ST6GAL2: variants seen among roughly 807,000 people sequenced by gnomAD.
ST6GAL2 encodes the protein beta-galactoside alpha-2,6-sialyltransferase 2.
Under a neutral mutation model 37.5 loss-of-function variants are expected in ST6GAL2, and 24 were observed. That is an observed-to-expected ratio of 0.64 (90% CI 0.46 to 0.90). The LOEUF (loss-of-function observed/expected upper bound fraction) is 0.90. ST6GAL2 is among the 40% of genes least tolerant of loss of function. The pLI, the probability that ST6GAL2 is intolerant of heterozygous loss-of-function variation, is 0.00. For synonymous variants in ST6GAL2, 306 were observed against 295.1 expected, an observed-to-expected ratio of 1.04 and a Z score of -0.38; for missense variants, 715 against 712.7, an observed-to-expected ratio of 1.00 and a Z score of -0.04.
intron 5 of ST6GAL2, among the ~76,000 whole-genome samples, chr2:106,825,364 G>C (rs1317239607): frequency 5.9e-5 from 9 of 152,190 alleles, no homozygotes. Context: ...AGTCATCTTG[G>C]AAACACATTA....
At chr2:106,847,745 G>A (rs1677198903) in intron 1 of ST6GAL2, among the ~76,000 whole-genome samples, 1 of 152,156 alleles carries the variant, frequency 6.6e-6, no homozygotes, top group Admixed American at 6.5e-5. Flanking sequence ...TAGATTTATG[G>A]CTATAGTTTT....
intron 2 of ST6GAL2, among the ~76,000 whole-genome samples, chr2:106,839,755 C>A (rs896693714): frequency 6.6e-6 from 1 of 152,140 alleles, no homozygotes; most frequent in Non-Finnish European, 1.5e-5. Context: ...CAGAGCAGAC[C>A]TTTCTGCTCT....
intron 2 of ST6GAL2, among the ~76,000 whole-genome samples, chr2:106,837,253 G>A (rs1272913617): frequency 6.6e-6 from 1 of 152,050 alleles, no homozygotes; most frequent in African/African-American, 2.4e-5. Flanking sequence ...TTGTGAACTG[G>A]CACACATAAG....
chr2:106,870,993 T>C (rs1050751287), intron 1 of ST6GAL2, among the ~76,000 whole-genome samples: 1 of 152,120 alleles, frequency 6.6e-6, no homozygotes, highest in Non-Finnish European at 1.5e-5. Flanking sequence ...AATGCATCCT[T>C]GGGCAATTTC....
intron 1 of ST6GAL2, among the ~76,000 whole-genome samples, chr2:106,864,023 T>G (rs1558720583): frequency 6.6e-6 from 1 of 152,172 alleles, no homozygotes. Context: ...GTCAAAACTT[T>G]CCTTTGGATT....
At chr2:106,832,468 TTGTC>T in intron 4 of ST6GAL2, 93 bp downstream of exon 4, 1 of 677,020 alleles carries the variant, frequency 1.5e-6, no homozygotes, top group Non-Finnish European at 2.6e-6. Context: ...GGTACTTTCA[TTGTC>T]TGTCAAAGCT....
chr2:106,876,110 G>C (rs1429182715), intron 1 of ST6GAL2, among the ~76,000 whole-genome samples: 1 of 151,840 alleles, frequency 6.6e-6, no homozygotes, highest in African/African-American at 2.4e-5. Flanking sequence ...GAGATTAAAA[G>C]TGCAAGTCAC....
intron 1 of ST6GAL2, among the ~76,000 whole-genome samples, 177 bp from the exon 2 acceptor site, chr2:106,844,211 C>T (rs561822085): frequency 2.5e-4 from 38 of 150,716 alleles, no homozygotes; most frequent in African/African-American, 9.0e-4. Flanking sequence ...CTGTCCCCCT[C>T]CCCGCCCCCC....
intron 2 of ST6GAL2, among the ~76,000 whole-genome samples, chr2:106,839,019 G>A (rs1343392614): frequency 6.6e-6 from 1 of 151,942 alleles, no homozygotes; most frequent in African/African-American, 2.4e-5. Flanking sequence ...CTGTGCAACA[G>A]CGGGAGACTC....
chr2:106,821,480 C>G (rs1194912236), intron 5 of ST6GAL2, among the ~76,000 whole-genome samples: 1 of 151,416 alleles, frequency 6.6e-6, no homozygotes, highest in Non-Finnish European at 1.5e-5. Flanking sequence ...TAAAGAAATC[C>G]AAAACCTGAA....
At position 106,801,850 on chromosome 2, in the gene ST6GAL2, T is replaced by G. The variant is rs1675272171; in HGVS notation, c.*4828A>C. 1 of 152,232 alleles carries G rather than the reference T, an allele frequency of 6.6e-6. No homozygotes were observed. Among genetic ancestry groups the G allele is most frequent in the South Asian group, 2.1e-4 (1 of 4,836 alleles). 9.4% of individuals were successfully genotyped at this position (152,232 alleles called of 1,614,324 possible). On this transcript the variant is annotated 3_prime_UTR_variant, in exon 6 of 6. Coordinates refer to ENST00000409382, the MANE Select transcript of ST6GAL2 (RefSeq NM_001142351.2). ...TCACTGGTTTCCACTGGAAGAATTG[T>G]CTAAGTATTTCATCTAGAATAAAAC... is the stretch of plus-strand genomic sequence containing the variant.
At chr2:106,813,114 G>GTTTT in intron 5 of ST6GAL2, 132 of 1,138,572 alleles carry the variant, frequency 1.2e-4, no homozygotes, top group South Asian at 4.6e-4. Flanking sequence ...TATATGGCCA[G>GTTTT]TTTTTTTTTT....
intron 1 of ST6GAL2, among the ~76,000 whole-genome samples, chr2:106,848,660 G>A (rs1395261798): frequency 1.3e-5 from 2 of 152,218 alleles, no homozygotes; most frequent in Admixed American, 6.5e-5. Flanking sequence ...TCAAGAAGCC[G>A]CAGGAACTTG....
chr2:106,830,867 T>C (rs542012434), intron 4 of ST6GAL2, among the ~76,000 whole-genome samples: 1 of 152,290 alleles, frequency 6.6e-6, no homozygotes, highest in East Asian at 1.9e-4. Context: ...CAGTTTTTCA[T>C]TGTGGTGGTA....
intron 1 of ST6GAL2, among the ~76,000 whole-genome samples, chr2:106,844,242 A>C (rs1677058070): frequency 6.6e-6 from 1 of 151,840 alleles, no homozygotes; most frequent in Non-Finnish European, 1.5e-5. Context: ...AACCTCTGCA[A>C]AACAAGGGAT....
intron 1 of ST6GAL2, among the ~76,000 whole-genome samples, chr2:106,849,953 T>C (rs927509610): frequency 6.6e-6 from 1 of 152,186 alleles, no homozygotes; most frequent in Admixed American, 6.5e-5. Flanking sequence ...ACAATGCCTG[T>C]CTCCCTAAAG....
intron 1 of ST6GAL2, among the ~76,000 whole-genome samples, chr2:106,872,587 T>A (rs145330010): frequency 6.6e-5 from 10 of 152,176 alleles, no homozygotes; most frequent in Non-Finnish European, 1.0e-4. Context: ...CCCACATACA[T>A]CCTTTTGTTA....
chr2:106,873,437 T>C (rs1052098669), intron 1 of ST6GAL2, among the ~76,000 whole-genome samples: 1 of 152,226 alleles, frequency 6.6e-6, no homozygotes, highest in African/African-American at 2.4e-5. Flanking sequence ...AACAAAACAC[T>C]GCTGAGCCCA....
intron 1 of ST6GAL2, among the ~76,000 whole-genome samples, chr2:106,871,215 T>C (rs1276390458): frequency 2.0e-5 from 3 of 152,194 alleles, no homozygotes; most frequent in Admixed American, 1.3e-4. Context: ...AAATATGGTA[T>C]AAAAGATTTA....
Sources: allele counts gnomAD v4.1 joint callset (sites outside exome capture counted in the v4.1 genomes callset), GRCh38; gene constraint gnomAD v4.1.1; transcripts MANE v1.5; gene names NCBI Gene and HGNC (gene_info 2026-07-23, HGNC 2026-07-21).